MALRD1: variants seen among roughly 807,000 people sequenced by gnomAD.
MALRD1 encodes the protein MAM and LDL receptor class A domain containing 1, also known as MAM and LDL-receptor class A domain-containing protein 1.
A neutral mutation model predicts 242.1 loss-of-function variants in MALRD1; 247 were observed. The observed-to-expected ratio is 1.02, with a 90% CI of 0.92 to 1.13. MALRD1 has a LOEUF of 1.13. Ranked by LOEUF, MALRD1 falls within the 50% of genes most tolerant of loss-of-function variation. MALRD1 has a pLI of 0.00. For synonymous variants in MALRD1, 995 were observed against 866.6 expected (o/e 1.15, Z -2.60); for missense variants, 2,989 against 2,533.1 (o/e 1.18, Z -3.86).
chr10:19,500,406 C>G (rs985610278), intron 31 of MALRD1, among the ~76,000 whole-genome samples: 1 of 152,074 alleles, frequency 6.6e-6, no homozygotes, highest in Non-Finnish European at 1.5e-5. Flanking sequence ...AAAAGATGGA[C>G]TATACAGTAT....
chr10:19,683,442 C>T (rs1842456306), intron 36 of MALRD1, among the ~76,000 whole-genome samples: 1 of 152,212 alleles, frequency 6.6e-6, no homozygotes, highest in African/African-American at 2.4e-5. Context: ...AATTCTCATA[C>T]ACATTCTGAG....
At chr10:19,653,227 C>T (rs1840976421) in intron 36 of MALRD1, among the ~76,000 whole-genome samples, 2 of 151,668 alleles carry the variant, frequency 1.3e-5, no homozygotes, top group African/African-American at 2.4e-5. Context: ...GACAGAGTTT[C>T]ACTCTGTCAC....
intron 2 of MALRD1, among the ~76,000 whole-genome samples, chr10:19,078,079 T>C (rs1835372320): frequency 6.6e-6 from 1 of 151,912 alleles, no homozygotes; most frequent in Non-Finnish European, 1.5e-5. Context: ...TAGTAAATCG[T>C]TAATAAACGT....
chr10:19,315,220 A>G (rs1364373630), intron 21 of MALRD1, among the ~76,000 whole-genome samples: 1 of 114,262 alleles, frequency 8.8e-6, no homozygotes, highest in Non-Finnish European at 1.7e-5. Flanking sequence ...TTATATAAAT[A>G]TATAAATATA....
At chr10:19,561,512 G>A (rs906504901) in intron 32 of MALRD1, among the ~76,000 whole-genome samples, 1 of 152,142 alleles carries the variant, frequency 6.6e-6, no homozygotes, top group Non-Finnish European at 1.5e-5. Flanking sequence ...ATGATGCTCT[G>A]TTGTTAGGTG....
chr10:19,592,429 G>A (rs1363608534), intron 33 of MALRD1, among the ~76,000 whole-genome samples: 1 of 152,232 alleles, frequency 6.6e-6, no homozygotes, highest in African/African-American at 2.4e-5. Flanking sequence ...GCTGTTCCCA[G>A]GAGGAGGTGT....
intron 14 of MALRD1, among the ~76,000 whole-genome samples, chr10:19,187,914 A>G (rs192706327): frequency 3.6e-4 from 55 of 152,334 alleles, no homozygotes; most frequent in Middle Eastern, 3.4e-3. Context: ...CAACATTGCC[A>G]TGTAACAAAT....
At chr10:19,653,867 TG>T (rs1387639222) in intron 36 of MALRD1, among the ~76,000 whole-genome samples, 1 of 152,192 alleles carries the variant, frequency 6.6e-6, no homozygotes, top group Non-Finnish European at 1.5e-5. Flanking sequence ...GAGACTATGA[TG>T]GAGAGCTAAT....
At chr10:19,585,767 T>G in intron 33 of MALRD1, among the ~76,000 whole-genome samples, 1 of 152,212 alleles carries the variant, frequency 6.6e-6, no homozygotes, top group Non-Finnish European at 1.5e-5. Context: ...ATCTGAATGT[T>G]CGCCTGCCTT....
intron 10 of MALRD1, among the ~76,000 whole-genome samples, chr10:19,138,054 T>C (rs1369275369): frequency 2.6e-5 from 4 of 152,222 alleles, no homozygotes; most frequent in Admixed American, 6.5e-5. Flanking sequence ...CTTGGGAAGC[T>C]TGGATTTTAT....
At position 19,387,574 on chromosome 10, in the gene MALRD1, T is replaced by C. The variant is rs918708504; in HGVS notation, c.4488T>C (p.Tyr1496=). 6.4e-7 allele frequency: 1 copy of C among 1,550,486 alleles called. No homozygotes were observed. Among genetic ancestry groups the C allele is most frequent in the East Asian group, 2.4e-5 (1 of 40,904 alleles). The part of the protein sequence containing the change: ...GYRECHNGKC[Y]RLEQSCNFVD... ...GGGAATGTCATAATGGAAAATGCTA[T>C]AGGCTGGAACAAAGCTGTAACTTCG... Residue 1496 remains tyrosine, a synonymous_variant, in exon 27 of 40, where the codon TAT becomes TAC. Transcript: ENST00000454679.
Position 19,280,143 on chromosome 10 carries a change from C to G in MALRD1, c.3176C>G (p.Ser1059Cys), listed in dbSNP as rs1472675215. Residue 1059 changes from serine (S) to cysteine (C), a missense_variant, in exon 20 of 40, where the codon TCT becomes TGT. Physicochemically the swap from Ser to Cys is moderately radical, Grantham distance 112 (BLOSUM62 -1). Transcript: ENST00000454679. The stretch of plus-strand genomic sequence containing the variant: ...ACAGACAATGAATTTATCTGCAGGT[C>G]TGATGGTCACTGCATTGAAAAAATG... ...NCTDNEFICR[S>C]DGHCIEKMQK... 7 of 1,545,352 alleles carry G rather than the reference C, an allele frequency of 4.5e-6. No homozygotes were observed. In the African/African-American group the frequency reaches 9.6e-5, roughly 21 times the overall value.
intron 28 of MALRD1, among the ~76,000 whole-genome samples, chr10:19,393,740 C>A (rs1454691918): frequency 2.6e-5 from 4 of 151,846 alleles, no homozygotes; most frequent in Non-Finnish European, 4.4e-5. Context: ...CAGGCGTGAG[C>A]CACCGCGCCC....
intron 1 of MALRD1, among the ~76,000 whole-genome samples, chr10:19,065,883 C>G (rs1834964815): frequency 6.6e-6 from 1 of 152,242 alleles, no homozygotes; most frequent in Middle Eastern, 3.4e-3. Context: ...GGTTGAGTTT[C>G]CATCAGAGGG....
chr10:19,398,743 A>G (rs1174296748), intron 28 of MALRD1, among the ~76,000 whole-genome samples: 1 of 152,218 alleles, frequency 6.6e-6, no homozygotes. Context: ...TGTTTACATT[A>G]TTTATTAAGA....
chr10:19,733,888 G>A (rs1835390756), intron 39 of MALRD1, among the ~76,000 whole-genome samples: 1 of 151,964 alleles, frequency 6.6e-6, no homozygotes, highest in African/African-American at 2.4e-5. Flanking sequence ...AGCAGTAGTC[G>A]AAATATTGGT....
intron 28 of MALRD1, among the ~76,000 whole-genome samples, chr10:19,432,864 A>G (rs1014944098): frequency 3.9e-4 from 60 of 152,356 alleles, no homozygotes; most frequent in African/African-American, 1.3e-3. Context: ...TCCAAAGGCT[A>G]CTGTGAACAT....
chr10:19,391,652 G>A (rs1846341721), intron 28 of MALRD1, among the ~76,000 whole-genome samples: 1 of 152,156 alleles, frequency 6.6e-6, no homozygotes, highest in Admixed American at 6.5e-5. Context: ...ACCCAATCGG[G>A]AAGACTCGAC....
chr10:19,527,898 T>C (rs1230043251), intron 31 of MALRD1, among the ~76,000 whole-genome samples: 1 of 152,182 alleles, frequency 6.6e-6, no homozygotes, highest in Non-Finnish European at 1.5e-5. Context: ...CAACAGAATG[T>C]GGAGAAATCC....
Sources: allele counts gnomAD v4.1 joint callset (sites outside exome capture counted in the v4.1 genomes callset), GRCh38; gene constraint gnomAD v4.1.1; transcripts MANE v1.5; gene names NCBI Gene and HGNC (gene_info 2026-07-23, HGNC 2026-07-21).